The following CAPZB variants were observed in gnomAD, a reference collection of about 807,000 sequenced individuals.
CAPZB encodes F-actin-capping protein subunit beta.
In CAPZB, 2 loss-of-function variants were observed where a neutral mutation model predicts 38.1. That is an observed-to-expected ratio of 0.05 (90% CI 0.02 to 0.17). The LOEUF is 0.17. Ranked by LOEUF, CAPZB falls within the 10% of genes least tolerant of loss-of-function variation. CAPZB has a pLI of 1.00. For missense variants in CAPZB, 161 were observed against 334.2 expected (o/e 0.48, Z 4.04); for synonymous variants, 107 against 127.4 (o/e 0.84, Z 1.08).
chr1:19,419,921 G>A, intron 1 of CAPZB, 171 bp from the exon 2 acceptor site: 1 of 566,962 alleles, frequency 1.8e-6, no homozygotes, highest in South Asian at 2.3e-5. Context: ...CGACTGTGCA[G>A]GCTGTTTGCT....
chr1:19,348,875 G>A (rs1415420327), intron 6 of CAPZB, among the ~76,000 whole-genome samples: 2 of 152,100 alleles, frequency 1.3e-5, no homozygotes, highest in Admixed American at 1.3e-4. Context: ...TTTTACTGAG[G>A]ACTAGTGGAA....
intron 2 of CAPZB, among the ~76,000 whole-genome samples, chr1:19,402,154 G>C (rs1188266718): frequency 6.6e-6 from 1 of 152,176 alleles, no homozygotes; most frequent in Non-Finnish European, 1.5e-5. Flanking sequence ...TTTACTTTAG[G>C]TTCCCTCAAG....
intron 1 of CAPZB, among the ~76,000 whole-genome samples, chr1:19,438,832 G>A (rs755419476): frequency 2.6e-5 from 4 of 152,232 alleles, no homozygotes; most frequent in South Asian, 2.1e-4. Flanking sequence ...GGGGCCGGCG[G>A]GCACTGGGTG....
intron 6 of CAPZB, among the ~76,000 whole-genome samples, chr1:19,351,899 T>G (rs534558865): frequency 4.6e-5 from 7 of 152,288 alleles, no homozygotes; most frequent in African/African-American, 1.7e-4. Flanking sequence ...GGGATGGTTG[T>G]GGGGAGCCTG....
chr1:19,371,532 A>G (rs10753559), intron 4 of CAPZB, among the ~76,000 whole-genome samples: 45,045 of 152,130 alleles, frequency 0.3, 6,992 homozygotes, highest in Middle Eastern at 0.37. Flanking sequence ...CCAGTCAGTC[A>G]GCAAGAAAAG....
At chr1:19,431,570 A>T (rs2094441793) in intron 1 of CAPZB, among the ~76,000 whole-genome samples, 1 of 144,248 alleles carries the variant, frequency 6.9e-6, no homozygotes, top group Middle Eastern at 3.3e-3. Context: ...AAATACAAAA[A>T]ATCAGCTGGG....
intron 2 of CAPZB, among the ~76,000 whole-genome samples, chr1:19,409,513 T>A (rs970734280): frequency 6.6e-6 from 1 of 152,222 alleles, no homozygotes; most frequent in African/African-American, 2.4e-5. Flanking sequence ...TGTAGCCAGC[T>A]CTTTCTTCTA....
At chr1:19,392,353 C>T (rs1269112633) in intron 2 of CAPZB, among the ~76,000 whole-genome samples, 1 of 151,780 alleles carries the variant, frequency 6.6e-6, no homozygotes, top group Admixed American at 6.6e-5. Flanking sequence ...ACAGGGGCAT[C>T]CCAAGAAGAG....
intron 1 of CAPZB, among the ~76,000 whole-genome samples, chr1:19,440,234 C>T (rs952833991): frequency 6.6e-6 from 1 of 152,068 alleles, no homozygotes; most frequent in Non-Finnish European, 1.5e-5. Context: ...GACGGGGTTT[C>T]ACCATGTTAC....
chr1:19,457,927 G>C (rs1481901811), intron 1 of CAPZB, among the ~76,000 whole-genome samples: 3 of 152,152 alleles, frequency 2.0e-5, no homozygotes, highest in African/African-American at 7.2e-5. Flanking sequence ...CCTGCCATCT[G>C]ATGTTTAAGG....
intron 1 of CAPZB, among the ~76,000 whole-genome samples, chr1:19,424,897 C>A (rs1418652248): frequency 6.6e-6 from 1 of 152,230 alleles, no homozygotes; most frequent in Non-Finnish European, 1.5e-5. Context: ...CAACCCTGGG[C>A]CAGGCCCTGA....
chr1:19,396,088 G>A lies in CAPZB; in HGVS notation c.94-10462C>T, dbSNP rs184425758. Among the ~76,000 whole-genome samples, 395 of 152,296 alleles carry A rather than the reference G, an allele frequency of 2.6e-3. 3 individuals are homozygous for A. Among genetic ancestry groups the A allele is most frequent in the Middle Eastern group, 6.8e-3 (2 of 294 alleles). ...TTCCACTGCAACCTCCCAAAGCCGC[G>A]ACGGCAGAGGCCGTTGCCCCGCCTC... On this transcript the variant is annotated intron_variant, in intron 2 of 8. Coordinates refer to ENST00000264202, the MANE Select transcript of CAPZB (RefSeq NM_004930.5).
chr1:19,472,184 T>G (rs184605484), intron 1 of CAPZB, among the ~76,000 whole-genome samples: 1 of 152,174 alleles, frequency 6.6e-6, no homozygotes, highest in Non-Finnish European at 1.5e-5. Context: ...GCGAGGCCTG[T>G]TTCCCAGGAA....
intron 6 of CAPZB, among the ~76,000 whole-genome samples, chr1:19,353,417 C>T (rs999734072): frequency 6.7e-6 from 1 of 149,752 alleles, no homozygotes; most frequent in Non-Finnish European, 1.5e-5. Context: ...ACATCTTGGT[C>T]GTCCAGCCCC....
intron 4 of CAPZB, among the ~76,000 whole-genome samples, chr1:19,370,549 G>A (rs886144779): frequency 1.3e-5 from 2 of 152,166 alleles, no homozygotes; most frequent in African/African-American, 4.8e-5. Flanking sequence ...CAGTGCCCAG[G>A]GCTGTACTAC....
At chr1:19,484,083 G>C (rs1558303247) in intron 1 of CAPZB, 1 of 1,158,250 alleles carries the variant, frequency 8.6e-7, no homozygotes, top group African/African-American at 1.5e-5. Flanking sequence ...ATCTGTGGGG[G>C]CCTATGTGAA....
intron 2 of CAPZB, among the ~76,000 whole-genome samples, chr1:19,386,021 C>T (rs1179722478): frequency 6.6e-6 from 1 of 152,164 alleles, no homozygotes; most frequent in Non-Finnish European, 1.5e-5. Context: ...CTAAAGAACT[C>T]GGAGTAGAAA....
At chr1:19,482,244 T>C (rs2100823513) in intron 1 of CAPZB, among the ~76,000 whole-genome samples, 1 of 152,354 alleles carries the variant, frequency 6.6e-6, no homozygotes, top group East Asian at 1.9e-4. Flanking sequence ...ACTGCCTACT[T>C]TTTATAAGCA....
At chr1:19,389,677 C>T (rs2094222370) in intron 2 of CAPZB, among the ~76,000 whole-genome samples, 1 of 152,154 alleles carries the variant, frequency 6.6e-6, no homozygotes, top group Admixed American at 6.5e-5. Context: ...CCACCCACCT[C>T]GGCCACCCAA....
Sources: gnomAD v4.1 joint callset for allele counts (sites outside exome capture counted in the v4.1 genomes callset) on GRCh38, gnomAD v4.1.1 for gene constraint, MANE v1.5 for transcripts, NCBI Gene and HGNC (gene_info 2026-07-23, HGNC 2026-07-21) for gene names.